SRARP: variants seen among roughly 807,000 people sequenced by gnomAD.
SRARP encodes steroid receptor associated and regulated protein.
SRARP carries 5 observed loss-of-function variants against 3.6 expected under a neutral mutation model. That is an observed-to-expected ratio of 1.39 (90% CI 0.73 to 2.93). The LOEUF is 2.93. SRARP is among the 30% of genes most tolerant of loss of function. The pLI, the probability that SRARP is intolerant of heterozygous loss-of-function variation, is 0.00. For missense variants in SRARP, 215 were observed against 216.7 expected, an observed-to-expected ratio of 0.99 and a Z score of 0.05; for synonymous variants, 96 against 91.6, an observed-to-expected ratio of 1.05 and a Z score of -0.27.
Position 16,006,936 on chromosome 1 carries a change from T to C in SRARP, c.*590T>C. The C allele has an allele frequency of 6.5e-6, 1 of 153,038 alleles. No individual in the cohort carries two copies. Among genetic ancestry groups the C allele is most frequent in the Non-Finnish European group, 1.5e-5 (1 of 68,708 alleles). 9.5% of individuals were successfully genotyped at this position (153,038 alleles called of 1,614,324 possible). On this transcript the variant is annotated 3_prime_UTR_variant, in exon 2 of 2. Coordinates refer to ENST00000329454, the MANE Select transcript of SRARP (RefSeq NM_178840.4). Reference sequence around the variant, plus strand: ...CAGCATGACGGGGAGGGGCAACGGGTTTCTTGCTGCCATCTTGGCTCAGAG... The same window carrying C: ...CAGCATGACGGGGAGGGGCAACGGGCTTCTTGCTGCCATCTTGGCTCAGAG...
Position 16,006,334 on chromosome 1 carries a change from G to A in SRARP, c.498G>A (p.Gly166=). ...AAGCCCTCTCCTCTTGTGTCTGTGG[G>A]CAGGCCGATTAGCTGGAAGGGCCGG... ...SLKALSSCVC[G]QAD The change falls in exon 2 of 2, where the codon GGG becomes GGA. Residue 166 remains glycine, a synonymous_variant. Coordinates refer to ENST00000329454, the MANE Select transcript of SRARP (RefSeq NM_178840.4). 1 of 1,593,496 alleles carries A rather than the reference G, an allele frequency of 6.3e-7. No homozygotes were observed. The highest frequency in any genetic ancestry group is 8.6e-7 in the Non-Finnish European group (1 of 1,165,774).
rs752096055 is a variant in SRARP at position 16,006,357 on chromosome 1, C to T, written c.*11C>T. On this transcript the variant is annotated 3_prime_UTR_variant, in exon 2 of 2. Coordinates refer to ENST00000329454, the MANE Select transcript of SRARP (RefSeq NM_178840.4). ...GGGCAGGCCGATTAGCTGGAAGGGC[C>T]GGGCTCTGATGCCCAGAGGCTGCAA... 38 of 1,570,680 alleles carry T rather than the reference C, an allele frequency of 2.4e-5. No individual in the cohort carries two copies. Among genetic ancestry groups the T allele is most frequent in the Non-Finnish European group, 2.8e-5 (32 of 1,154,428 alleles).
intron 1 of SRARP, among the ~76,000 whole-genome samples, chr1:16,005,460 C>T (rs74057529): frequency 0.035 from 5,275 of 152,260 alleles, 296 homozygotes; most frequent in African/African-American, 0.12. Flanking sequence ...TAAGTGGAGA[C>T]TTGAACTCAG....
chr1:16,006,349 G>C lies in SRARP; in HGVS notation c.*3G>C. On this transcript the variant is annotated 3_prime_UTR_variant, in exon 2 of 2. Transcript: ENST00000329454. ...GTGTCTGTGGGCAGGCCGATTAGCT[G>C]GAAGGGCCGGGCTCTGATGCCCAGA... 1 of 1,580,330 alleles carries C rather than the reference G, an allele frequency of 6.3e-7. No homozygotes were observed. The highest frequency in any genetic ancestry group is 8.6e-7 in the Non-Finnish European group (1 of 1,158,898).
At chr1:16,005,174 T>C (rs2073119993) in intron 1 of SRARP, among the ~76,000 whole-genome samples, 1 of 152,102 alleles carries the variant, frequency 6.6e-6, no homozygotes, top group African/African-American at 2.4e-5. Context: ...CCACCAACAC[T>C]TGTGCAGGCT....
rs772459985 is a variant in SRARP, at chr1:16,006,043, C to T, written c.207C>T (p.Pro69=). The part of the protein sequence containing the change: ...ATASPPQAPS[P]NRGLVTPPMK... ...CATCACCACCCCAAGCCCCCAGTCC[C>T]AATCGAGGGCTTGTCACCCCACCAA... The change falls in exon 2 of 2, where the codon CCC becomes CCT. Residue 69 remains proline, a synonymous_variant. Coordinates refer to ENST00000329454, the MANE Select transcript of SRARP (RefSeq NM_178840.4). The T allele has an allele frequency of 6.2e-7, 1 of 1,614,030 alleles. No homozygotes were observed. The highest frequency in any genetic ancestry group is 1.7e-5 in the Admixed American group (1 of 59,998).
chr1:16,004,511 G>C, intron 1 of SRARP, 126 bp downstream of exon 1: 3 of 755,712 alleles, frequency 4.0e-6, no homozygotes. Flanking sequence ...TCAGGAGTTC[G>C]AGACCAGCTT....
chr1:16,006,160 C>T lies in SRARP; in HGVS notation c.324C>T (p.Ala108=), dbSNP rs1405031198. 30 of 1,613,712 alleles carry T rather than the reference C, an allele frequency of 1.9e-5. No individual in the cohort carries two copies. Among genetic ancestry groups the T allele is most frequent in the Middle Eastern group, 3.3e-4 (2 of 6,082 alleles). ...GGGGATGCCTTGCCCAGGCCAGGGC[C>T]ACCCTGCCGCTCTGCAGAGGGTCTG... ...MGGGCLAQAR[A]TLPLCRGSVA... is the part of the protein sequence containing the mutation. The change falls in exon 2 of 2, where the codon GCC becomes GCT. Residue 108 remains alanine (A), a synonymous_variant. Coordinates refer to ENST00000329454, the MANE Select transcript of SRARP (RefSeq NM_178840.4).
In SRARP at chr1:16,004,937, T is replaced by C. The variant is rs1345493171; in HGVS notation, c.82+552T>C. ...TGGATGTGTATGTTATTTGGGTAAC[T>C]CAAAAAGTTACCTTTTTAAGAGCAC... On this transcript the variant is annotated intron_variant, in intron 1 of 1. Transcript: ENST00000329454. 2.6e-5 allele frequency among the ~76,000 whole-genome samples: 4 copies of C among 152,308 alleles called. No homozygotes were observed. In the East Asian group the frequency reaches 7.7e-4, roughly 29 times the overall value.
Position 16,007,737 on chromosome 1 carries a change from T to C in SRARP, c.*1391T>C, listed in dbSNP as rs574407963. Reference sequence around the variant, plus strand: ...AGGTGTGAGCCACCGTATCTGGTCATTAATTTATTCAATGACTATTTTACT... The same window carrying C: ...AGGTGTGAGCCACCGTATCTGGTCACTAATTTATTCAATGACTATTTTACT... On this transcript the variant is annotated 3_prime_UTR_variant, in exon 2 of 2. Transcript: ENST00000329454. The C allele has an allele frequency of 6.6e-6, 1 of 152,224 alleles. No individual in the cohort carries two copies. Among genetic ancestry groups the C allele is most frequent in the Non-Finnish European group, 1.5e-5 (1 of 68,046 alleles). 9.4% of individuals were successfully genotyped at this position (152,224 alleles called of 1,614,324 possible). A position where few individuals can be genotyped will look rare whatever the true frequency, so the allele number is the denominator to read the frequency against.
In SRARP at chr1:16,004,315, A is replaced by C. The variant is rs1217556892; in HGVS notation, c.12A>C (p.Ser4=). The change falls in exon 1 of 2, where the codon TCA becomes TCC. Residue 4 remains serine (S), a synonymous_variant. Coordinates refer to ENST00000329454, the MANE Select transcript of SRARP (RefSeq NM_178840.4). MAP[S]EDPRDWRANL... is the part of the protein sequence containing the mutation. ...GCCGAAGTAGCCGCATGGCCCCGTC[A>C]GAAGACCCCAGGGACTGGAGAGCCA... is the stretch of plus-strand genomic sequence containing the variant. The C allele has an allele frequency of 4.4e-6, 7 of 1,605,162 alleles. No individual in the cohort carries two copies. The highest frequency in any genetic ancestry group is 5.1e-6 in the Non-Finnish European group (6 of 1,176,456).
chr1:16,005,927 C>A lies in SRARP; in HGVS notation c.91C>A (p.Leu31Met), dbSNP rs751844765. Residue 31 changes from leucine (L) to methionine (M), a missense_variant, in exon 2 of 2, where the codon CTG becomes ATG. Transcript: ENST00000329454. ...TGLETSSGGK[L>M]AGHQKTVPTA... is the part of the protein sequence containing the mutation. ...CTTTTCCTCTCTTCTAGGTGGGAAG[C>A]TGGCTGGCCATCAGAAGACCGTCCC... The A allele has an allele frequency of 1.3e-6, 2 of 1,570,036 alleles. No homozygotes were observed. Among genetic ancestry groups the A allele is most frequent in the Non-Finnish European group, 1.7e-6 (2 of 1,158,060 alleles).
chr1:16,007,718 G>C lies in SRARP; in HGVS notation c.*1372G>C, dbSNP rs2073138198. 6.6e-6 allele frequency: 1 copy of C among 152,176 alleles called. No individual in the cohort carries two copies. The allele number at this position is 152,176 out of a possible 1,614,324, so 9.4% of individuals were successfully genotyped here. A position where few individuals can be genotyped will look rare whatever the true frequency, so the allele number is the denominator to read the frequency against. ...CCCTAAGTGCTTGGATTATAGGTGTGAGCCACCGTATCTGGTCATTAATTT... is the reference window on the plus strand; with the variant it reads ...CCCTAAGTGCTTGGATTATAGGTGTCAGCCACCGTATCTGGTCATTAATTT... On this transcript the variant is annotated 3_prime_UTR_variant, in exon 2 of 2. Transcript: ENST00000329454.
downstream of SRARP, chr1:16,008,807 CA>C (rs34033692): frequency 0.7 from 105,880 of 151,404 alleles, 37,394 homozygotes; most frequent in East Asian, 0.97. Flanking sequence ...AAGACTGTCT[CA>C]AAAAAAAACC....
rs1325354706 is a variant in SRARP, at chr1:16,005,932, T to C, written c.96T>C (p.Ala32=). 8 of 1,573,074 alleles carry C rather than the reference T, an allele frequency of 5.1e-6. No homozygotes were observed. The South Asian group carries it at 9.4e-5, about 18-fold the overall frequency. ...GLETSSGGKL[A]GHQKTVPTAH... is the part of the protein sequence containing the mutation. Reference sequence around the variant, plus strand: ...CCTCTCTTCTAGGTGGGAAGCTGGCTGGCCATCAGAAGACCGTCCCCACGG... The same window carrying C: ...CCTCTCTTCTAGGTGGGAAGCTGGCCGGCCATCAGAAGACCGTCCCCACGG... The change falls in exon 2 of 2, where the codon GCT becomes GCC. Residue 32 remains alanine, a synonymous_variant. Transcript: ENST00000329454.
Position 16,004,265 on chromosome 1 carries a change from C to T in SRARP, c.-39C>T. 6.6e-7 allele frequency: 1 copy of T among 1,513,574 alleles called. No homozygotes were observed. Among genetic ancestry groups the T allele is most frequent in the Non-Finnish European group, 9.0e-7 (1 of 1,107,840 alleles). The allele number at this position is 1,513,574 out of a possible 1,614,324, so 93.8% of individuals were successfully genotyped here. A position where few individuals can be genotyped will look rare whatever the true frequency, so the allele number is the denominator to read the frequency against. On this transcript the variant is annotated 5_prime_UTR_variant, in exon 1 of 2. Coordinates refer to ENST00000329454, the MANE Select transcript of SRARP (RefSeq NM_178840.4). ...CCTGGAAGAGTGGCCTAGGACAGCTCCTCTCCTGCCAGAGCTAGGCAGGCG... is the reference window on the plus strand; with the variant it reads ...CCTGGAAGAGTGGCCTAGGACAGCTTCTCTCCTGCCAGAGCTAGGCAGGCG...
In SRARP at chr1:16,006,708, AG is replaced by A. The variant is rs2073131632; in HGVS notation, c.*364del. The A allele has an allele frequency of 5.1e-6, 1 of 197,776 alleles. No individual in the cohort carries two copies. Among genetic ancestry groups the A allele is most frequent in the Non-Finnish European group, 1.0e-5 (1 of 96,612 alleles). 12.3% of individuals were successfully genotyped at this position (197,776 alleles called of 1,614,324 possible). ...TTTTGAACAGCGATGAATGCTCTGC[AG>A]GAACTGAAACAGGATGCTAGAGGGA... On this transcript the variant is annotated 3_prime_UTR_variant, in exon 2 of 2. Transcript: ENST00000329454.
At position 16,004,337 on chromosome 1, in the gene SRARP, G is replaced by A; in HGVS notation, c.34G>A (p.Ala12Thr). 6.2e-7 allele frequency: 1 copy of A among 1,609,156 alleles called. No individual in the cohort carries two copies. Among genetic ancestry groups the A allele is most frequent in the Non-Finnish European group, 8.5e-7 (1 of 1,178,276 alleles). ...APSEDPRDWR[A>T]NLKGTIRETG... The stretch of plus-strand genomic sequence containing the variant: ...GTCAGAAGACCCCAGGGACTGGAGA[G>A]CCAACCTCAAAGGCACCATCCGTGA... The change falls in exon 1 of 2, where the codon GCC (alanine) becomes ACC (threonine). Residue 12 changes from alanine to threonine, a missense_variant. Transcript: ENST00000329454.
At chr1:16,005,715 AT>A (rs548128222) in intron 1 of SRARP, among the ~76,000 whole-genome samples, 56 of 152,182 alleles carry the variant, frequency 3.7e-4, no homozygotes, top group African/African-American at 1.3e-3. Context: ...TCTACAAAAA[AT>A]TTTAAAATTC....
Sources: allele counts gnomAD v4.1 joint callset (sites outside exome capture counted in the v4.1 genomes callset), GRCh38; gene constraint gnomAD v4.1.1; transcripts MANE v1.5; gene names NCBI Gene and HGNC (gene_info 2026-07-23, HGNC 2026-07-21).